AFF3: variants seen among roughly 807,000 people sequenced by gnomAD.
AFF3 encodes the protein AF4/FMR2 family member 3.
AFF3 carries 32 observed loss-of-function variants against 129.7 expected under a neutral mutation model. That is an observed-to-expected ratio of 0.25 (90% CI 0.19 to 0.33). The LOEUF (loss-of-function observed/expected upper bound fraction) is 0.33, where lower values mean the gene tolerates loss of function less well. Ranked by LOEUF, AFF3 falls within the 10% of genes least tolerant of loss-of-function variation. AFF3 has a pLI of 1.00. For synonymous variants in AFF3, 644 were observed against 635.4 expected (o/e 1.01, Z -0.20); for missense variants, 1,373 against 1,592.0 (o/e 0.86, Z 2.34).
At chr2:99,996,327 G>T (rs1322439430) in intron 7 of AFF3, among the ~76,000 whole-genome samples, 3 of 152,234 alleles carry the variant, frequency 2.0e-5, no homozygotes, top group Admixed American at 6.5e-5. Flanking sequence ...AGAAGGATCT[G>T]CTCTTTAACC....
In AFF3 at chr2:99,549,075, A is replaced by G. The variant is rs1674230175; in HGVS notation, c.*2399T>C. 4.4e-6 allele frequency: 1 copy of G among 227,424 alleles called. No homozygotes were observed. Among genetic ancestry groups the G allele is most frequent in the Non-Finnish European group, 8.7e-6 (1 of 114,554 alleles). 14.1% of individuals were successfully genotyped at this position (227,424 alleles called of 1,614,324 possible). On this transcript the variant is annotated 3_prime_UTR_variant, in exon 25 of 25. Coordinates refer to ENST00000672756, the MANE Select transcript of AFF3 (RefSeq NM_001386135.1). ...GGGAAGCTCATCACATAGATGTTACAACAAAGTCTGCAACTTTCAAGGTGG... is the reference window on the plus strand; with the variant it reads ...GGGAAGCTCATCACATAGATGTTACGACAAAGTCTGCAACTTTCAAGGTGG...
chr2:99,660,450 C>T (rs1686127177), intron 12 of AFF3, among the ~76,000 whole-genome samples: 2 of 152,190 alleles, frequency 1.3e-5, no homozygotes, highest in South Asian at 4.1e-4. Context: ...CTTAATTGCA[C>T]TTTGCAAACC....
chr2:100,126,189 C>T (rs1692181784), intron 2 of AFF3, among the ~76,000 whole-genome samples: 1 of 152,130 alleles, frequency 6.6e-6, no homozygotes, highest in Non-Finnish European at 1.5e-5. Flanking sequence ...TTCTCCTCAC[C>T]AAGGTGTTGC....
chr2:99,605,711 A>C (rs1680264806), intron 13 of AFF3, among the ~76,000 whole-genome samples: 1 of 152,204 alleles, frequency 6.6e-6, no homozygotes, highest in Admixed American at 6.5e-5. Context: ...ATACGTCTAT[A>C]GAATTTGTTG....
intron 11 of AFF3, among the ~76,000 whole-genome samples, chr2:99,726,112 C>A (rs1037867433): frequency 3.9e-5 from 6 of 152,162 alleles, no homozygotes; most frequent in Non-Finnish European, 5.9e-5. Flanking sequence ...GACAATGGAA[C>A]TATTTAAACT....
chr2:99,737,572 G>A (rs776354708), intron 10 of AFF3, among the ~76,000 whole-genome samples: 12 of 151,622 alleles, frequency 7.9e-5, no homozygotes, highest in Non-Finnish European at 1.3e-4. Flanking sequence ...TGGTTGAGTT[G>A]TTGAAGATAT....
chr2:99,874,921 G>A (rs1160546402), intron 7 of AFF3, among the ~76,000 whole-genome samples: 7 of 152,142 alleles, frequency 4.6e-5, no homozygotes, highest in Non-Finnish European at 8.8e-5. Flanking sequence ...GTGAGACACG[G>A]AGAAAAAGAA....
At chr2:100,045,824 T>C (rs1034757733) in intron 4 of AFF3, among the ~76,000 whole-genome samples, 5 of 152,218 alleles carry the variant, frequency 3.3e-5, no homozygotes, top group Non-Finnish European at 7.3e-5. Flanking sequence ...CTCTAGCTTA[T>C]TGTAAGAATA....
intron 13 of AFF3, among the ~76,000 whole-genome samples, chr2:99,635,140 C>G (rs1683520995): frequency 6.6e-6 from 1 of 151,078 alleles, no homozygotes; most frequent in Admixed American, 6.6e-5. Flanking sequence ...ATGATATATA[C>G]ACATATCTCT....
chr2:99,816,486 G>A (rs865807084), intron 8 of AFF3, among the ~76,000 whole-genome samples: 6 of 152,296 alleles, frequency 3.9e-5, no homozygotes, highest in African/African-American at 1.4e-4. Flanking sequence ...AGATGAGGAT[G>A]CCTTCCTCCT....
At chr2:99,809,900 T>C (rs1050242144) in intron 8 of AFF3, among the ~76,000 whole-genome samples, 2 of 152,226 alleles carry the variant, frequency 1.3e-5, no homozygotes, top group East Asian at 1.9e-4. Context: ...TTCTGCTGAA[T>C]AGAGCATTTT....
intron 8 of AFF3, among the ~76,000 whole-genome samples, chr2:99,770,492 G>C (rs1036320428): frequency 6.6e-6 from 1 of 152,094 alleles, no homozygotes; most frequent in Non-Finnish European, 1.5e-5. Flanking sequence ...TGGCCAAGCT[G>C]GTACCTAAGG....
intron 18 of AFF3, among the ~76,000 whole-genome samples, chr2:99,574,263 A>C (rs548776135): frequency 6.6e-6 from 1 of 152,314 alleles, no homozygotes; most frequent in South Asian, 2.1e-4. Flanking sequence ...GCGTTTGCTT[A>C]ATGTCAGGGG....
chr2:99,761,184 T>G (rs34194721), intron 8 of AFF3, among the ~76,000 whole-genome samples: 1 of 148,984 alleles, frequency 6.7e-6, no homozygotes, highest in Admixed American at 6.6e-5. Context: ...TCAGGTGACT[T>G]CTTTTTTTTT....
At chr2:99,648,911 A>ACTCTCTCTCTCTCTCTCTCT (rs1310405470) in intron 13 of AFF3, among the ~76,000 whole-genome samples, 5 of 36,304 alleles carry the variant, frequency 1.4e-4, no homozygotes, top group East Asian at 3.7e-3. Context: ...ACACACACAC[A>ACTCTCTCTCTCTCTCTCTCT]CACACACTCT....
At chr2:99,654,758 C>T (rs1055035548) in intron 12 of AFF3, among the ~76,000 whole-genome samples, 1 of 151,970 alleles carries the variant, frequency 6.6e-6, no homozygotes, top group Non-Finnish European at 1.5e-5. Context: ...AAAACATGTT[C>T]TTTTTTTTCT....
chr2:99,797,694 A>G (rs1461608043), intron 8 of AFF3, among the ~76,000 whole-genome samples: 4 of 152,158 alleles, frequency 2.6e-5, no homozygotes, highest in African/African-American at 7.2e-5. Context: ...AAGACGAAAC[A>G]GAGATTAGGA....
intron 8 of AFF3, among the ~76,000 whole-genome samples, chr2:99,753,294 T>C: frequency 1.5e-5 from 1 of 66,974 alleles, no homozygotes; most frequent in East Asian, 1.3e-3. Context: ...GAGATGGGGT[T>C]TCACCATGTT....
chr2:99,737,169 A>G lies in AFF3; in HGVS notation c.1039+6935T>C, dbSNP rs374696873. Among the ~76,000 whole-genome samples, 13 of 152,262 alleles carry G rather than the reference A, an allele frequency of 8.5e-5. 1 individual carries two copies. Among genetic ancestry groups the G allele is most frequent in the African/African-American group, 3.1e-4 (13 of 41,510 alleles). ...ATCCTTCTCCAAAATAATTACAGGAACTTAGAAGATTTTAATTCCACATTC... is the reference window on the plus strand; with the variant it reads ...ATCCTTCTCCAAAATAATTACAGGAGCTTAGAAGATTTTAATTCCACATTC... On this transcript the variant is annotated intron_variant, in intron 10 of 24. Transcript: ENST00000672756.
Sources: allele counts gnomAD v4.1 joint callset (sites outside exome capture counted in the v4.1 genomes callset), GRCh38; gene constraint gnomAD v4.1.1; transcripts MANE v1.5; gene names NCBI Gene and HGNC (gene_info 2026-07-23, HGNC 2026-07-21).